The following AGBL4 variants were observed in gnomAD, a reference collection of about 807,000 sequenced individuals.
AGBL4 encodes AGBL carboxypeptidase 4.
A neutral mutation model predicts 66.4 loss-of-function variants in AGBL4; 58 were observed. That is an observed-to-expected ratio of 0.87 (90% CI 0.71 to 1.09). The LOEUF (loss-of-function observed/expected upper bound fraction) is 1.09. AGBL4 is among the 50% of genes least tolerant of loss of function. The pLI is 0.00. For missense variants in AGBL4, 579 were observed against 631.0 expected, an observed-to-expected ratio of 0.92 and a Z score of 0.88; for synonymous variants, 234 against 222.9, an observed-to-expected ratio of 1.05 and a Z score of -0.44.
intron 3 of AGBL4, among the ~76,000 whole-genome samples, chr1:49,591,932 T>C (rs896232042): frequency 6.6e-6 from 1 of 151,982 alleles, no homozygotes; most frequent in Non-Finnish European, 1.5e-5. Flanking sequence ...TATACAAAAA[T>C]CAACTCAAGA....
At chr1:49,859,342 G>A (rs1333944553) in intron 1 of AGBL4, among the ~76,000 whole-genome samples, 1 of 152,154 alleles carries the variant, frequency 6.6e-6, no homozygotes, top group Admixed American at 6.5e-5. Context: ...TCTCAGCAAA[G>A]TATTAGCAAA....
chr1:48,984,033 A>T (rs1659977828), intron 5 of AGBL4, among the ~76,000 whole-genome samples: 1 of 152,126 alleles, frequency 6.6e-6, no homozygotes, highest in Non-Finnish European at 1.5e-5. Context: ...AGAGAAGCAG[A>T]TGCTCTTGTA....
chr1:49,428,112 C>G (rs890821770), intron 3 of AGBL4, among the ~76,000 whole-genome samples: 4 of 152,208 alleles, frequency 2.6e-5, no homozygotes, highest in Non-Finnish European at 5.9e-5. Context: ...GTCCCCACCC[C>G]ACCCAGGAGC....
chr1:49,601,225 C>T (rs1453781179), intron 3 of AGBL4, among the ~76,000 whole-genome samples: 4 of 152,034 alleles, frequency 2.6e-5, no homozygotes, highest in African/African-American at 4.8e-5. Context: ...AGAGTATTTT[C>T]GAACTTAGTT....
chr1:48,718,492 T>C (rs1287511549), intron 6 of AGBL4, among the ~76,000 whole-genome samples: 1 of 152,202 alleles, frequency 6.6e-6, no homozygotes. Flanking sequence ...CAGATTCTTT[T>C]CTCCACCAGC....
intron 11 of AGBL4, among the ~76,000 whole-genome samples, chr1:48,583,020 C>A (rs1030404104): frequency 2.0e-5 from 3 of 152,170 alleles, no homozygotes; most frequent in African/African-American, 7.2e-5. Flanking sequence ...CATCCAGTAT[C>A]CTCTAGCTAA....
At chr1:49,699,287 C>G (rs1647043932) in intron 2 of AGBL4, among the ~76,000 whole-genome samples, 1 of 152,128 alleles carries the variant, frequency 6.6e-6, no homozygotes, top group African/African-American at 2.4e-5. Flanking sequence ...TGTTGACCTT[C>G]TTCATCATTC....
chr1:49,860,279 A>C (rs1428288186), intron 1 of AGBL4, among the ~76,000 whole-genome samples: 1 of 152,272 alleles, frequency 6.6e-6, no homozygotes, highest in Non-Finnish European at 1.5e-5. Flanking sequence ...AAAGAGACTG[A>C]AACATAGTTT....
At chr1:49,171,476 A>G (rs1417617993) in intron 4 of AGBL4, among the ~76,000 whole-genome samples, 1 of 152,168 alleles carries the variant, frequency 6.6e-6, no homozygotes, top group Non-Finnish European at 1.5e-5. Context: ...ACAGATTAAC[A>G]TTTTAAAAAG....
chr1:49,798,876 A>G (rs1644792517), intron 2 of AGBL4, among the ~76,000 whole-genome samples: 1 of 152,172 alleles, frequency 6.6e-6, no homozygotes, highest in South Asian at 2.1e-4. Context: ...AAATGCCAGC[A>G]TAGTTAAGTG....
chr1:49,228,677 T>G lies in AGBL4; in HGVS notation c.377+17093A>C, dbSNP rs543409370. ...GTAAGAGATGAAGTGAGTAGAGGTG[T>G]GCAGTGATGTGACTTGTGTTTTAAA... On this transcript the variant is annotated intron_variant, in intron 4 of 13. Transcript: ENST00000371839. Among the ~76,000 whole-genome samples, 6 of 152,214 alleles carry G rather than the reference T, an allele frequency of 3.9e-5. No homozygotes were observed. In the South Asian group the frequency reaches 1.2e-3, roughly 32 times the overall value.
At chr1:48,632,113 A>G (rs759418462) in intron 9 of AGBL4, among the ~76,000 whole-genome samples, 1 of 152,172 alleles carries the variant, frequency 6.6e-6, no homozygotes, top group Non-Finnish European at 1.5e-5. Flanking sequence ...GAGTGAGGAG[A>G]GAGAGAGTGG....
At chr1:48,541,852 T>A (rs12132856) in intron 11 of AGBL4, among the ~76,000 whole-genome samples, 7,804 of 152,286 alleles carry the variant, frequency 0.051, 254 homozygotes, top group East Asian at 0.094. Flanking sequence ...ATCTTTTTTT[T>A]TATATATACT....
At chr1:49,220,141 G>C (rs1043767862) in intron 4 of AGBL4, among the ~76,000 whole-genome samples, 1 of 152,032 alleles carries the variant, frequency 6.6e-6, no homozygotes, top group Non-Finnish European at 1.5e-5. Flanking sequence ...TTGTCTTACT[G>C]TCCAGAACTC....
intron 4 of AGBL4, among the ~76,000 whole-genome samples, chr1:49,171,111 G>A (rs983184514): frequency 2.6e-5 from 4 of 152,124 alleles, no homozygotes; most frequent in Non-Finnish European, 4.4e-5. Context: ...TTGCAAAAGG[G>A]TATGAACTCA....
intron 2 of AGBL4, among the ~76,000 whole-genome samples, chr1:49,787,750 T>A (rs1357734709): frequency 6.6e-6 from 1 of 152,038 alleles, no homozygotes; most frequent in Non-Finnish European, 1.5e-5. Context: ...GGCAGGAGCT[T>A]CTAAAAGCAC....
At chr1:49,132,960 T>A in intron 4 of AGBL4, among the ~76,000 whole-genome samples, 1 of 152,166 alleles carries the variant, frequency 6.6e-6, no homozygotes, top group East Asian at 1.9e-4. Context: ...TGCAGCACTA[T>A]TTACAATAGC....
chr1:48,760,810 G>A (rs1644218284), intron 6 of AGBL4, among the ~76,000 whole-genome samples: 1 of 152,152 alleles, frequency 6.6e-6, no homozygotes, highest in Non-Finnish European at 1.5e-5. Flanking sequence ...AAGATTTTCA[G>A]CAGTTTCCAA....
At chr1:49,460,391 G>A (rs1646485605) in intron 3 of AGBL4, among the ~76,000 whole-genome samples, 1 of 151,404 alleles carries the variant, frequency 6.6e-6, no homozygotes, top group Admixed American at 6.6e-5. Flanking sequence ...TTTTTTGTCT[G>A]ATATAAGAAT....
Sources: allele counts gnomAD v4.1 joint callset (sites outside exome capture counted in the v4.1 genomes callset), GRCh38; gene constraint gnomAD v4.1.1; transcripts MANE v1.5; gene names NCBI Gene and HGNC (gene_info 2026-07-23, HGNC 2026-07-21).